Variants in NOTCH2 observed in about 807,000 individuals in gnomAD.
The protein encoded by NOTCH2 is neurogenic locus notch homolog protein 2.
NOTCH2 carries 29 observed loss-of-function variants against 235.8 expected under a neutral mutation model. The observed-to-expected ratio is 0.12, with a 90% CI of 0.09 to 0.17. The LOEUF (loss-of-function observed/expected upper bound fraction) is 0.17, where lower values mean the gene tolerates loss of function less well. Ranked by LOEUF, NOTCH2 falls within the 10% of genes least tolerant of loss-of-function variation. The probability of loss-of-function intolerance (pLI) is 1.00; values close to 1 mark genes in which losing one functional copy is unlikely to be tolerated. For missense variants in NOTCH2, 2,285 were observed against 3,150.2 expected (o/e 0.73, Z 6.57); for synonymous variants, 1,086 against 1,141.5 (o/e 0.95, Z 0.98).
intron 15 of NOTCH2, chr1:119,950,455 G>A: frequency 1.7e-6 from 1 of 595,790 alleles, no homozygotes; most frequent in South Asian, 1.5e-5. Context: ...TCATCTATGT[G>A]CCTGGTTCCA....
chr1:119,937,675 G>A (rs1359731124), intron 20 of NOTCH2, among the ~76,000 whole-genome samples, 182 bp downstream of exon 20: 5 of 152,196 alleles, frequency 3.3e-5, no homozygotes, highest in East Asian at 3.9e-4. Context: ...ATTCTTCTCC[G>A]AATCTCTGAA....
At position 119,931,986 on chromosome 1, in the gene NOTCH2, A is replaced by G. The variant is rs587714956; in HGVS notation, c.3656-2774T>C. On this transcript the variant is annotated intron_variant, in intron 22 of 33. Transcript: ENST00000256646. ...TGTGGGAAAAAAGATATATGTGTGT[A>G]TATATATATATATGTATATATACAT... Among the ~76,000 whole-genome samples, 752 of 139,726 alleles carry G rather than the reference A, an allele frequency of 5.4e-3. 3 individuals are homozygous for G. The highest frequency in any genetic ancestry group is 8.8e-3 in the South Asian group (38 of 4,342). 91.7% of individuals were successfully genotyped at this position (139,726 alleles called of 152,430 possible).
intron 5 of NOTCH2, among the ~76,000 whole-genome samples, chr1:119,975,414 G>A (rs1651535250): frequency 6.6e-6 from 1 of 152,268 alleles, no homozygotes; most frequent in South Asian, 2.1e-4. Flanking sequence ...TTGGAAGGCT[G>A]AGGCAGGTGG....
At chr1:119,948,304 C>A in intron 17 of NOTCH2, 110 bp downstream of exon 17, 3 of 1,122,366 alleles carry the variant, frequency 2.7e-6, no homozygotes, top group Non-Finnish European at 4.1e-6. Flanking sequence ...GATAAATGAC[C>A]GGTATGCCCA....
chr1:120,063,597 C>T (rs1655395697), intron 1 of NOTCH2, among the ~76,000 whole-genome samples: 1 of 152,180 alleles, frequency 6.6e-6, no homozygotes, highest in African/African-American at 2.4e-5. Flanking sequence ...CTTCTCTGTA[C>T]TAAGTGAGGC....
At chr1:119,948,298 A>T (rs1481344719) in intron 17 of NOTCH2, 116 bp downstream of exon 17, 11 of 1,078,392 alleles carry the variant, frequency 1.0e-5, no homozygotes, top group Admixed American at 8.6e-5. Flanking sequence ...ATGCTGGATA[A>T]ATGACCGGTA....
chr1:119,983,199 TC>T (rs1240015186), intron 5 of NOTCH2, among the ~76,000 whole-genome samples: 1 of 151,966 alleles, frequency 6.6e-6, no homozygotes, highest in Non-Finnish European at 1.5e-5. Context: ...CATATGAAGT[TC>T]TTTTTTTTTT....
intron 11 of NOTCH2, among the ~76,000 whole-genome samples, chr1:119,960,750 T>C (rs587635962): frequency 6.6e-6 from 1 of 152,164 alleles, no homozygotes; most frequent in African/African-American, 2.4e-5. Flanking sequence ...CACAGCTCCC[T>C]GCAACCTCAA....
In NOTCH2 at chr1:119,913,788, G is replaced by A. The variant is rs997359473; in HGVS notation, c.*1518C>T. ...TGAGTTTCTACGTTAGTTGCCAAAGGGAATGTCATGGCCGCTTCAGAGGAA... is the reference window on the plus strand; with the variant it reads ...TGAGTTTCTACGTTAGTTGCCAAAGAGAATGTCATGGCCGCTTCAGAGGAA... On this transcript the variant is annotated 3_prime_UTR_variant, in exon 34 of 34. Coordinates refer to ENST00000256646, the MANE Select transcript of NOTCH2 (RefSeq NM_024408.4). 8.6e-6 allele frequency: 2 copies of A among 232,974 alleles called. No individual in the cohort carries two copies. Among genetic ancestry groups the A allele is most frequent in the African/African-American group, 4.4e-5 (2 of 45,330 alleles). 14.4% of individuals were successfully genotyped at this position (232,974 alleles called of 1,614,324 possible).
rs35216058 is a variant in NOTCH2, at chr1:119,916,243, T to C, written c.6479A>G (p.Tyr2160Cys). 332 of 1,614,158 alleles carry C rather than the reference T, an allele frequency of 2.1e-4. 2 individuals carry two copies. The African/African-American group carries it at 3.9e-3, about 19-fold the overall frequency. Reference sequence around the variant, plus strand: ...TGGAGAGGATGTGGTGTCGGAAACATACGTGTGAGGAGATTCTAGGGAATC... The same window carrying C: ...TGGAGAGGATGTGGTGTCGGAAACACACGTGTGAGGAGATTCTAGGGAATC... ...PVDSLESPHT[Y>C]VSDTTSSPMI... Residue 2160 changes from tyrosine (Y) to cysteine (C), a missense_variant, in exon 34 of 34, where the codon TAT becomes TGT. Coordinates refer to ENST00000256646, the MANE Select transcript of NOTCH2 (RefSeq NM_024408.4).
At chr1:119,926,424 G>A in intron 24 of NOTCH2, 75 bp downstream of exon 24, 1 of 1,149,842 alleles carries the variant, frequency 8.7e-7, no homozygotes, top group Non-Finnish European at 1.3e-6. Context: ...GTAAAACCAG[G>A]TTTAATCTCA....
rs587627699 is a variant in NOTCH2, at chr1:119,958,867, A to C, written c.2026+525T>G. ...TACTTTCTTCCTCCTGGGCAGAAAG[A>C]TCTCTCTCATGCTACCCAAATTAGG... On this transcript the variant is annotated intron_variant, in intron 12 of 33. Coordinates refer to ENST00000256646, the MANE Select transcript of NOTCH2 (RefSeq NM_024408.4). 1.8e-4 allele frequency among the ~76,000 whole-genome samples: 27 copies of C among 152,186 alleles called. No homozygotes were observed. The South Asian group carries it at 5.4e-3, about 30-fold the overall frequency.
intron 2 of NOTCH2, among the ~76,000 whole-genome samples, chr1:120,015,190 G>C (rs1206679686): frequency 4.6e-5 from 7 of 152,106 alleles, no homozygotes; most frequent in Non-Finnish European, 1.0e-4. Context: ...GGGTTGCGTC[G>C]GCACTGCAGC....
rs1390525447 is a variant in NOTCH2 at position 119,922,236 on chromosome 1, T to C, written c.5213A>G (p.Lys1738Arg). 6.2e-7 allele frequency: 1 copy of C among 1,613,792 alleles called. No homozygotes were observed. Among genetic ancestry groups the C allele is most frequent in the Non-Finnish European group, 8.5e-7 (1 of 1,179,874 alleles). The change falls in exon 28 of 34, where the codon AAA becomes AGA. Residue 1738 changes from lysine to arginine, a missense_variant and splice_region_variant. This residue lies in a region of NOTCH2 where 1,173 missense variants were observed against 1,515.3 expected (regional missense o/e 0.77). Transcript: ENST00000256646. Reference protein sequence around the residue: ...EPVGQDAVGLKNLSVQVSEAN... With the variant: ...EPVGQDAVGLRNLSVQVSEAN... ...GTGGCTTATTGGCAATGCCTCTTAC[T>C]TCAGCCCCACAGCATCCTGTCCCAC...
rs782563564 is a variant in NOTCH2 at position 119,997,261 on chromosome 1, C to G, written c.487G>C (p.Ala163Pro). Residue 163 changes from alanine to proline, a missense_variant, in exon 4 of 34, where the codon GCC (alanine) becomes CCC (proline). Physicochemically the swap from Ala to Pro is conservative, Grantham distance 27 (BLOSUM62 -1). Around this residue, in one of 6 missense-constraint regions of NOTCH2, gnomAD observed 431 missense variants for 757.8 expected, o/e 0.57. Coordinates refer to ENST00000256646, the MANE Select transcript of NOTCH2 (RefSeq NM_024408.4). ...CANGSTCTTVANQFSCKCLTG... is the reference protein window; with the variant it reads ...CANGSTCTTVPNQFSCKCLTG... ...AGGCATTTGCAGGAGAACTGGTTGG[C>G]CACAGTGGTACAGGTACTTCCATTT... 6.2e-7 allele frequency: 1 copy of G among 1,613,994 alleles called. No homozygotes were observed. The highest frequency in any genetic ancestry group is 8.5e-7 in the Non-Finnish European group (1 of 1,179,864).
intron 5 of NOTCH2, among the ~76,000 whole-genome samples, chr1:119,971,977 G>T (rs113745395): frequency 5.3e-5 from 8 of 151,918 alleles, no homozygotes; most frequent in Non-Finnish European, 1.0e-4. Flanking sequence ...GGGTAATGAG[G>T]GAAATGAGGG....
chr1:120,023,329 T>G (rs1553209369), intron 2 of NOTCH2, among the ~76,000 whole-genome samples: 1 of 150,570 alleles, frequency 6.6e-6, no homozygotes, highest in Non-Finnish European at 1.5e-5. Context: ...CCCGGCTACT[T>G]GAGAGGCTGA....
At chr1:119,920,606 A>G (rs587704802) in intron 29 of NOTCH2, among the ~76,000 whole-genome samples, 1 of 151,426 alleles carries the variant, frequency 6.6e-6, no homozygotes, top group East Asian at 2.0e-4. Context: ...CATCTAGACA[A>G]CTCCCTCCCC....
In NOTCH2 at chr1:119,966,345, G is replaced by A. The variant is rs782319298; in HGVS notation, c.1567+31C>T. ...GTGGTCAGTTGGCTTTGTGCTTTAAGAGAAAACAGGGCCAGGTCGTGGGCA... is the reference window on the plus strand; with the variant it reads ...GTGGTCAGTTGGCTTTGTGCTTTAAAAGAAAACAGGGCCAGGTCGTGGGCA... On this transcript the variant is annotated intron_variant, in intron 9 of 33. Coordinates refer to ENST00000256646, the MANE Select transcript of NOTCH2 (RefSeq NM_024408.4). 1.2e-5 allele frequency: 18 copies of A among 1,481,634 alleles called. No individual in the cohort carries two copies. In the Admixed American group the frequency reaches 2.8e-4, roughly 23 times the overall value. 91.8% of individuals were successfully genotyped at this position (1,481,634 alleles called of 1,614,324 possible).
Sources: gnomAD v4.1 joint callset for allele counts (sites outside exome capture counted in the v4.1 genomes callset) on GRCh38, gnomAD v4.1.1 for gene constraint, gnomAD v4.1.1 regional missense constraint, MANE v1.5 for transcripts, NCBI Gene and HGNC (gene_info 2026-07-23, HGNC 2026-07-21) for gene names.